The following ZNF536 variants were observed in gnomAD, a reference collection of about 807,000 sequenced individuals.
ZNF536 encodes the protein zinc finger protein 536.
Under a neutral mutation model 84.5 loss-of-function variants are expected in ZNF536, and 13 were observed. That is an observed-to-expected ratio of 0.15 (90% CI 0.10 to 0.24). The LOEUF (loss-of-function observed/expected upper bound fraction) is 0.24, where lower values mean the gene tolerates loss of function less well. ZNF536 is among the 10% of genes least tolerant of loss of function. The pLI, the probability that ZNF536 is intolerant of heterozygous loss-of-function variation, is 1.00. For synonymous variants in ZNF536, 811 were observed against 742.5 expected (o/e 1.09, Z -1.50); for missense variants, 1,536 against 1,747.5 (o/e 0.88, Z 2.16).
At chr19:30,673,642 C>T (rs1391657811) in intron 1 of ZNF536, among the ~76,000 whole-genome samples, 1 of 152,152 alleles carries the variant, frequency 6.6e-6, no homozygotes, top group African/African-American at 2.4e-5. Context: ...GTGGCTGAAG[C>T]CTGCAGTGCC....
intron 4 of ZNF536, 179 bp from the exon 5 acceptor site, chr19:30,556,978 C>A (rs779177005): frequency 3.1e-6 from 2 of 637,558 alleles, no homozygotes; most frequent in Non-Finnish European, 5.6e-6. Flanking sequence ...GCCAACCTGC[C>A]CTAATCATGT....
chr19:30,700,226 TTCTTTCTTTCTTTC>T (rs1337258806), intron 1 of ZNF536, among the ~76,000 whole-genome samples: 4 of 126,116 alleles, frequency 3.2e-5, no homozygotes, highest in African/African-American at 1.1e-4. Context: ...CTTTCTTTCT[TTCTTTCTTTCTTTC>T]TCTCTCTCTC....
chr19:30,413,527 G>A (rs1411582832), intron 1 of ZNF536, among the ~76,000 whole-genome samples: 1 of 152,132 alleles, frequency 6.6e-6, no homozygotes, highest in African/African-American at 2.4e-5. Context: ...TAACATTTTT[G>A]AGATGTTGCA....
chr19:30,389,987 C>T (rs1218301910), intron 1 of ZNF536, among the ~76,000 whole-genome samples: 3 of 152,212 alleles, frequency 2.0e-5, no homozygotes, highest in Non-Finnish European at 2.9e-5. Context: ...GCTGGGATCC[C>T]AACTCCTCCC....
intron 1 of ZNF536, among the ~76,000 whole-genome samples, chr19:30,585,471 T>C (rs1038525512): frequency 1.4e-4 from 22 of 152,162 alleles, no homozygotes; most frequent in African/African-American, 5.3e-4. Flanking sequence ...CGGCTATTGA[T>C]GGAGACCCTA....
At chr19:30,398,973 A>C (rs58263480) in intron 1 of ZNF536, among the ~76,000 whole-genome samples, 51,627 of 152,042 alleles carry the variant, frequency 0.34, 9,095 homozygotes, top group East Asian at 0.5. Flanking sequence ...CTAGTTCTAG[A>C]TCCTTGAGGA....
chr19:30,698,408 G>A lies in ZNF536; in HGVS notation c.170-12349G>A, dbSNP rs143584284. Among the ~76,000 whole-genome samples the A allele has an allele frequency of 4.6e-5, 7 of 152,200 alleles. No individual in the cohort carries two copies. The East Asian group carries it at 1.4e-3, about 29-fold the overall frequency. ...GGGTATGTTTGTCACAATTCACGAAGCAATATTGACACATTATTTTTAAAT... is the reference window on the plus strand; with the variant it reads ...GGGTATGTTTGTCACAATTCACGAAACAATATTGACACATTATTTTTAAAT... On this transcript the variant is annotated intron_variant, in intron 1 of 1. Coordinates refer to the ZNF536 transcript ENST00000592773.
chr19:30,548,805 C>T lies in ZNF536; in HGVS notation c.3186C>T (p.Asp1062=), dbSNP rs770903154. 261 of 1,613,868 alleles carry T rather than the reference C, an allele frequency of 1.6e-4. No individual in the cohort carries two copies. The highest frequency in any genetic ancestry group is 2.1e-4 in the Non-Finnish European group (252 of 1,180,038). ...TGCCCTCGTTACAATCAAACAAAGA[C>T]CTGGGCCTCTCCAATATGATCAGCT... ...ALLPSLQSNK[D]LGLSNMISSL... The change falls in exon 4 of 5, where the codon GAC becomes GAT. Residue 1062 remains aspartate, a synonymous_variant. Transcript: ENST00000355537.
In ZNF536 at chr19:30,444,537, G is replaced by C. The variant is rs373382678; in HGVS notation, c.975G>C (p.Thr325=). The C allele has an allele frequency of 5.5e-5, 89 of 1,613,070 alleles. No homozygotes were observed. Among genetic ancestry groups the C allele is most frequent in the Non-Finnish European group, 7.0e-5 (83 of 1,179,918 alleles). The change falls in exon 2 of 5, where the codon ACG becomes ACC. Residue 325 remains threonine, a synonymous_variant. Transcript: ENST00000355537. The stretch of plus-strand genomic sequence containing the variant: ...GCCACGTGGAGAAGGCACACATCAC[G>C]GCCGAGTCGGCCCAGGGCCAGGGCC... ...LISHVEKAHI[T]AESAQGQGPN...
At chr19:30,667,589 A>G (rs1250307228) in intron 1 of ZNF536, among the ~76,000 whole-genome samples, 1 of 150,474 alleles carries the variant, frequency 6.6e-6, no homozygotes, top group Admixed American at 6.6e-5. Context: ...GTATAAAACA[A>G]TGTCAGAAGA....
At chr19:30,330,920 A>G (rs2047190566) in intron 2 of ZNF536, among the ~76,000 whole-genome samples, 1 of 152,170 alleles carries the variant, frequency 6.6e-6, no homozygotes, top group Admixed American at 6.5e-5. Context: ...CAGTCAAGGA[A>G]TTGAGGACTA....
intron 2 of ZNF536, among the ~76,000 whole-genome samples, chr19:30,299,521 A>T (rs12971337): frequency 2.0e-5 from 3 of 151,988 alleles, no homozygotes; most frequent in Non-Finnish European, 2.9e-5. Context: ...AAGCCAGAAG[A>T]GTCCAGCAAT....
At chr19:30,701,602 T>G (rs1307130372) in intron 1 of ZNF536, among the ~76,000 whole-genome samples, 1 of 152,184 alleles carries the variant, frequency 6.6e-6, no homozygotes, top group African/African-American at 2.4e-5. Context: ...AGGGGGTTCA[T>G]GGACCACCTC....
At chr19:30,385,467 TCTC>T (rs918809727) in intron 1 of ZNF536, among the ~76,000 whole-genome samples, 16 of 151,890 alleles carry the variant, frequency 1.1e-4, no homozygotes, top group African/African-American at 3.6e-4. Flanking sequence ...CTTCCTCTCT[TCTC>T]CTGGAGTTCC....
chr19:30,366,895 G>A (rs968265142), intron 3 of ZNF536, among the ~76,000 whole-genome samples: 2 of 152,248 alleles, frequency 1.3e-5, no homozygotes, highest in African/African-American at 4.8e-5. Flanking sequence ...CTGAGGGACT[G>A]AGGGCTGGCT....
intron 3 of ZNF536, among the ~76,000 whole-genome samples, chr19:30,353,182 C>T (rs11673050): frequency 0.31 from 46,587 of 151,974 alleles, 7,183 homozygotes; most frequent in Middle Eastern, 0.48. Context: ...GGTTTATTAG[C>T]AATTGCACAG....
chr19:30,415,529 C>T (rs11879209), intron 1 of ZNF536, among the ~76,000 whole-genome samples: 60,372 of 150,856 alleles, frequency 0.4, 13,017 homozygotes, highest in East Asian at 0.7. Context: ...TTCTTTCAAA[C>T]GTAATTCTTT....
chr19:30,377,034 C>A (rs1332990108), intron 1 of ZNF536, among the ~76,000 whole-genome samples: 1 of 152,162 alleles, frequency 6.6e-6, no homozygotes. Flanking sequence ...AGGGACAGGG[C>A]CATCCTGACA....
rs141802102 is a variant in ZNF536 at position 30,266,617 on chromosome 19, T to A, written c.-189-17455T>A. 3.1e-3 allele frequency among the ~76,000 whole-genome samples: 470 copies of A among 152,190 alleles called. 1 individual carries two copies. The highest frequency in any genetic ancestry group is 0.011 in the African/African-American group (447 of 41,540). On this transcript the variant is annotated intron_variant, in intron 1 of 5. Transcript: ENST00000585628. ...ATAGAGCAGGATATTAAAAAGAAAATTTTTTTAAGGAGGTTGGAATGTCAA... is the reference window on the plus strand; with the variant it reads ...ATAGAGCAGGATATTAAAAAGAAAAATTTTTTAAGGAGGTTGGAATGTCAA...
Sources: gnomAD v4.1 joint callset for allele counts (sites outside exome capture counted in the v4.1 genomes callset) on GRCh38, gnomAD v4.1.1 for gene constraint, MANE v1.5 for transcripts, NCBI Gene and HGNC (gene_info 2026-07-23, HGNC 2026-07-21) for gene names.